CELF2: variants seen among roughly 807,000 people sequenced by gnomAD.
The protein encoded by CELF2 is CUGBP Elav-like family member 2.
A neutral mutation model predicts 62.6 loss-of-function variants in CELF2; 8 were observed. The observed-to-expected ratio is 0.13, with a 90% CI of 0.07 to 0.23. The LOEUF is 0.23. Among genes scored for constraint, CELF2 ranks in the 10% least tolerant of loss-of-function variants. CELF2 has a pLI of 1.00. For missense variants in CELF2, 333 were observed against 671.0 expected (o/e 0.50, Z 5.56); for synonymous variants, 258 against 250.0 (o/e 1.03, Z -0.30).
chr10:10,741,237 G>T, the CELF2 span, among the ~76,000 whole-genome samples: 5 of 152,014 alleles, frequency 3.3e-5, no homozygotes, highest in Admixed American at 3.3e-4. Context: ...AACAGGCCGG[G>T]TGCGGTGGCT....
the CELF2 span, among the ~76,000 whole-genome samples, chr10:10,667,176 C>T: frequency 6.6e-6 from 1 of 152,174 alleles, no homozygotes; most frequent in East Asian, 1.9e-4. Flanking sequence ...AATTGGTCTC[C>T]TGGCGTTGTG....
At chr10:10,964,031 C>A (rs1374650251) in intron 2 of CELF2, among the ~76,000 whole-genome samples, 1 of 151,896 alleles carries the variant, frequency 6.6e-6, no homozygotes, top group African/African-American at 2.4e-5. Flanking sequence ...AAATCTGAAT[C>A]AAAAAGATAT....
intron 2 of CELF2, among the ~76,000 whole-genome samples, chr10:10,996,011 C>G (rs374298219): frequency 9.2e-5 from 14 of 152,288 alleles, no homozygotes; most frequent in African/African-American, 3.4e-4. Context: ...GGTGAACTTT[C>G]CTGTAAGTAT....
At chr10:10,843,518 G>A (rs893319690) in intron 1 of CELF2, among the ~76,000 whole-genome samples, 3 of 151,506 alleles carry the variant, frequency 2.0e-5, no homozygotes, top group Non-Finnish European at 4.4e-5. Context: ...TAATTATTTT[G>A]TGGCCTGAAA....
chr10:10,902,625 G>T (rs1213640834), intron 1 of CELF2, among the ~76,000 whole-genome samples: 4 of 152,174 alleles, frequency 2.6e-5, no homozygotes, highest in Non-Finnish European at 5.9e-5. Context: ...GATTACAAAG[G>T]TGCAGAAGGA....
At position 10,995,510 on chromosome 10, in the gene CELF2, G is replaced by T. The variant is rs777688342; in HGVS notation, c.89+75511G>T. Among the ~76,000 whole-genome samples the T allele has an allele frequency of 3.3e-5, 5 of 152,178 alleles. No homozygotes were observed. Among genetic ancestry groups the T allele is most frequent in the Non-Finnish European group, 7.3e-5 (5 of 68,034 alleles). ...CATGAACGAAAGCACAGACACAAGA[G>T]AAATTGTGTATTTGAGGAATTGGAA... On this transcript the variant is annotated intron_variant, in intron 2 of 13. Coordinates refer to the CELF2 transcript ENST00000636488. This position sits in a 1 kb window ranked among gnomAD's most constrained non-coding sequence, Gnocchi z 4.7.
chr10:10,719,126 T>A, the CELF2 span, among the ~76,000 whole-genome samples: 366 of 151,880 alleles, frequency 2.4e-3, 5 homozygotes, highest in Middle Eastern at 0.024. Context: ...GCCCAGCTAA[T>A]TTTTTGTATT....
intron 1 of CELF2, among the ~76,000 whole-genome samples, chr10:11,036,880 C>T (rs1381826066): frequency 6.6e-6 from 1 of 152,198 alleles, no homozygotes; most frequent in South Asian, 2.1e-4. Context: ...TAAAATTCCT[C>T]TGTTGGCCTA....
At chr10:11,143,775 A>C (rs2061758787) in intron 1 of CELF2, among the ~76,000 whole-genome samples, 1 of 152,264 alleles carries the variant, frequency 6.6e-6, no homozygotes, top group African/African-American at 2.4e-5. Flanking sequence ...CTACGTTAGA[A>C]AGTCTCTAGA....
the CELF2 span, among the ~76,000 whole-genome samples, chr10:10,645,980 G>A: frequency 6.6e-6 from 1 of 152,216 alleles, no homozygotes; most frequent in African/African-American, 2.4e-5. Flanking sequence ...ACTCTGAAGT[G>A]ATGAAGAGTA....
At chr10:11,158,660 A>G (rs1003969871) in intron 1 of CELF2, among the ~76,000 whole-genome samples, 2 of 152,044 alleles carry the variant, frequency 1.3e-5, no homozygotes, top group Non-Finnish European at 2.9e-5. Context: ...GCCTTTTACT[A>G]GCAGTCACAT....
chr10:10,642,341 G>T, the CELF2 span, among the ~76,000 whole-genome samples: 1 of 152,122 alleles, frequency 6.6e-6, no homozygotes, highest in African/African-American at 2.4e-5. Context: ...CACTTCTCCA[G>T]CACAGTCCCA....
intron 1 of CELF2, among the ~76,000 whole-genome samples, chr10:10,836,187 G>A (rs1159989309): frequency 6.6e-6 from 1 of 152,066 alleles, no homozygotes; most frequent in East Asian, 1.9e-4. Flanking sequence ...GGATAAATGA[G>A]GTCAACTAGG....
At chr10:11,289,338 C>G (rs1445672720) in intron 9 of CELF2, among the ~76,000 whole-genome samples, 1 of 152,178 alleles carries the variant, frequency 6.6e-6, no homozygotes, top group Non-Finnish European at 1.5e-5. Context: ...CCCATGACCC[C>G]CTATCAGCTG....
At chr10:11,239,493 C>A (rs1271036757) in intron 3 of CELF2, among the ~76,000 whole-genome samples, 1 of 152,156 alleles carries the variant, frequency 6.6e-6, no homozygotes, top group Admixed American at 6.5e-5. Flanking sequence ...CAGGGAAGCT[C>A]CTATACTTTG....
chr10:11,250,401 C>G (rs1204292498), intron 4 of CELF2, among the ~76,000 whole-genome samples: 1 of 152,218 alleles, frequency 6.6e-6, no homozygotes, highest in Non-Finnish European at 1.5e-5. Flanking sequence ...TAACCACTGT[C>G]TTCTCCTCAG....
chr10:10,938,352 A>G lies in CELF2; in HGVS notation c.89+18353A>G, dbSNP rs956278544. 3.9e-5 allele frequency among the ~76,000 whole-genome samples: 6 copies of G among 152,264 alleles called. No homozygotes were observed. Among genetic ancestry groups the G allele is most frequent in the Admixed American group, 2.6e-4 (4 of 15,290 alleles). ...CCAAAGACCCAAATACCAAAGGATT[A>G]TCTTTAAATTTAGAGAATGAAAAAT... is the stretch of plus-strand genomic sequence containing the variant. On this transcript the variant is annotated intron_variant, in intron 2 of 13. Transcript: ENST00000636488. This position sits in a 1 kb window ranked among gnomAD's most constrained non-coding sequence, Gnocchi z 4.2.
At chr10:11,104,922 A>G (rs2052961924) in intron 1 of CELF2, among the ~76,000 whole-genome samples, 1 of 152,182 alleles carries the variant, frequency 6.6e-6, no homozygotes, top group African/African-American at 2.4e-5. Context: ...TGAGTGTGAA[A>G]ACTGAGCTGC....
At chr10:10,514,515 A>G in the CELF2 span, among the ~76,000 whole-genome samples, 21 of 152,366 alleles carry the variant, frequency 1.4e-4, no homozygotes, top group Middle Eastern at 3.4e-3. Flanking sequence ...GCAAAGCAGC[A>G]TGTCATCAAG....
Sources: allele counts gnomAD v4.1 joint callset (sites outside exome capture counted in the v4.1 genomes callset), GRCh38; gene constraint gnomAD v4.1.1; non-coding constraint Gnocchi (gnomAD v3.1); transcripts MANE v1.5; gene names NCBI Gene and HGNC (gene_info 2026-07-23, HGNC 2026-07-21).